Variants in FSTL5 observed in about 807,000 individuals in gnomAD.
FSTL5 encodes follistatin-related protein 5.
A neutral mutation model predicts 89.1 loss-of-function variants in FSTL5; 62 were observed. The observed-to-expected ratio is 0.70, with a 90% CI of 0.57 to 0.86. The LOEUF is 0.86. Among genes scored for constraint, FSTL5 ranks in the 40% least tolerant of loss-of-function variants. The pLI is 0.00. For missense variants in FSTL5, 1,057 were observed against 1,001.6 expected, an observed-to-expected ratio of 1.06 and a Z score of -0.75; for synonymous variants, 383 against 346.2, an observed-to-expected ratio of 1.11 and a Z score of -1.18.
intron 1 of FSTL5, among the ~76,000 whole-genome samples, chr4:162,120,366 A>G (rs1731803670): frequency 1.3e-5 from 2 of 152,064 alleles, no homozygotes; most frequent in African/African-American, 4.8e-5. Flanking sequence ...TGTTGTCCAA[A>G]ACCATCCACA....
chr4:161,494,244 C>T (rs1424469378), intron 12 of FSTL5, among the ~76,000 whole-genome samples: 2 of 151,628 alleles, frequency 1.3e-5, no homozygotes, highest in Admixed American at 6.6e-5. Context: ...AAAGAGACAC[C>T]CTGAGAAAAA....
intron 3 of FSTL5, among the ~76,000 whole-genome samples, chr4:161,977,634 A>T (rs1319797697): frequency 0.014 from 1,388 of 102,022 alleles, 37 homozygotes; most frequent in African/African-American, 0.039. Flanking sequence ...AAAAAAAAAA[A>T]AAAAAAATAA....
intron 1 of FSTL5, among the ~76,000 whole-genome samples, chr4:162,119,573 T>G (rs369548873): frequency 2.0e-4 from 30 of 152,354 alleles, no homozygotes; most frequent in African/African-American, 6.0e-4. Flanking sequence ...ATGGGGTACA[T>G]TTTTAATGTA....
At chr4:161,722,581 G>A (rs76035806) in intron 6 of FSTL5, among the ~76,000 whole-genome samples, 1,629 of 152,170 alleles carry the variant, frequency 0.011, 11 homozygotes, top group Non-Finnish European at 0.017. Context: ...TATGTAAATT[G>A]CAATGATGTA....
intron 1 of FSTL5, among the ~76,000 whole-genome samples, chr4:162,149,338 C>T (rs1733133177): frequency 6.6e-6 from 1 of 151,902 alleles, no homozygotes; most frequent in African/African-American, 2.4e-5. Context: ...AGAGACTGTA[C>T]CCTGCCGACC....
At chr4:161,608,890 G>A (rs1734546979) in intron 7 of FSTL5, among the ~76,000 whole-genome samples, 1 of 151,858 alleles carries the variant, frequency 6.6e-6, no homozygotes. Context: ...TTTCCATATT[G>A]GAGTTTTCAC....
At chr4:161,779,793 A>ATATGTATATATATATG (rs1741577047) in intron 4 of FSTL5, among the ~76,000 whole-genome samples, 25 of 51,736 alleles carry the variant, frequency 4.8e-4, no homozygotes, top group Non-Finnish European at 6.5e-4. Flanking sequence ...ATATATATAT[A>ATATGTATATATATATG]TATATATATA....
intron 2 of FSTL5, among the ~76,000 whole-genome samples, chr4:162,039,832 T>C (rs1420872821): frequency 6.6e-6 from 1 of 152,028 alleles, no homozygotes; most frequent in African/African-American, 2.4e-5. Flanking sequence ...TGATATGTTC[T>C]AGCTAAAGTA....
Position 162,090,653 on chromosome 4 carries a change from T to C in FSTL5, c.126+20618A>G, listed in dbSNP as rs1730512442. Among the ~76,000 whole-genome samples, 3 of 151,984 alleles carry C rather than the reference T, an allele frequency of 2.0e-5. 1 individual carries two copies. The South Asian group carries it at 6.2e-4, about 32-fold the overall frequency. On this transcript the variant is annotated intron_variant, in intron 2 of 15. Coordinates refer to ENST00000306100, the MANE Select transcript of FSTL5 (RefSeq NM_020116.5). ...CTGGCCAACAGCGTGAAATCCCATC[T>C]CTGCTAAAAATACAAAAATTAGCTG...
chr4:162,010,614 T>A (rs1432755860), intron 3 of FSTL5, among the ~76,000 whole-genome samples: 1 of 152,192 alleles, frequency 6.6e-6, no homozygotes, highest in East Asian at 1.9e-4. Context: ...ATATCACCAC[T>A]TCCAGGCCTA....
At chr4:161,589,699 G>T (rs901089063) in intron 7 of FSTL5, among the ~76,000 whole-genome samples, 2 of 152,032 alleles carry the variant, frequency 1.3e-5, no homozygotes, top group Non-Finnish European at 2.9e-5. Context: ...TAGTTGTAGA[G>T]AGCAACAGTT....
intron 3 of FSTL5, among the ~76,000 whole-genome samples, chr4:161,974,332 C>T (rs1160136115): frequency 6.6e-6 from 1 of 151,882 alleles, no homozygotes; most frequent in African/African-American, 2.4e-5. Flanking sequence ...GGAGGCATCA[C>T]ACTACCTGAC....
chr4:161,782,250 T>G (rs974067170), intron 4 of FSTL5, among the ~76,000 whole-genome samples: 6 of 152,208 alleles, frequency 3.9e-5, no homozygotes, highest in Admixed American at 3.3e-4. Flanking sequence ...CTCATTTGAA[T>G]AAACATCAAA....
At chr4:161,471,979 C>CTTTTTT (rs61243040) in intron 13 of FSTL5, among the ~76,000 whole-genome samples, 1 of 132,558 alleles carries the variant, frequency 7.5e-6, no homozygotes, top group Non-Finnish European at 1.6e-5. Context: ...TTTTCTTGAT[C>CTTTTTT]TTTTTTTTTT....
intron 10 of FSTL5, among the ~76,000 whole-genome samples, chr4:161,518,495 A>G (rs1730917442): frequency 2.6e-5 from 4 of 152,128 alleles, no homozygotes; most frequent in Admixed American, 2.6e-4. Flanking sequence ...TTGTCTAACT[A>G]TGTAATGCAG....
chr4:161,866,825 G>A (rs1268204664), intron 4 of FSTL5, among the ~76,000 whole-genome samples: 1 of 151,706 alleles, frequency 6.6e-6, no homozygotes, highest in Non-Finnish European at 1.5e-5. Context: ...AATGAGAGAT[G>A]AACCCATTTG....
intron 3 of FSTL5, among the ~76,000 whole-genome samples, chr4:161,969,925 A>G (rs1735434183): frequency 6.6e-6 from 1 of 152,080 alleles, no homozygotes; most frequent in Admixed American, 6.6e-5. Context: ...AAATGCAGTT[A>G]TTTTAGTATT....
At chr4:161,650,544 A>G (rs11100380) in intron 7 of FSTL5, among the ~76,000 whole-genome samples, 15,376 of 152,220 alleles carry the variant, frequency 0.1, 876 homozygotes, top group South Asian at 0.22. Flanking sequence ...CTTCAAAGAA[A>G]TAATATTTTG....
chr4:161,710,324 G>T (rs1738735523), intron 6 of FSTL5, among the ~76,000 whole-genome samples: 2 of 152,208 alleles, frequency 1.3e-5, no homozygotes, highest in Admixed American at 1.3e-4. Context: ...ACAAGTAAAA[G>T]ATGATTAGTT....
Sources: gnomAD v4.1 joint callset for allele counts (sites outside exome capture counted in the v4.1 genomes callset) on GRCh38, gnomAD v4.1.1 for gene constraint, MANE v1.5 for transcripts, NCBI Gene and HGNC (gene_info 2026-07-23, HGNC 2026-07-21) for gene names.